GRIK3: variants seen among roughly 807,000 people sequenced by gnomAD.
The protein encoded by GRIK3 is glutamate ionotropic receptor kainate type subunit 3, also known as glutamate receptor ionotropic, kainate 3.
GRIK3 carries 29 observed loss-of-function variants against 102.5 expected under a neutral mutation model. That is an observed-to-expected ratio of 0.28 (90% CI 0.21 to 0.39). The LOEUF (loss-of-function observed/expected upper bound fraction) is 0.39, where lower values mean the gene tolerates loss of function less well. Ranked by LOEUF, GRIK3 falls within the 10% of genes least tolerant of loss-of-function variation. GRIK3 has a pLI of 1.00. For missense variants in GRIK3, 908 were observed against 1,252.4 expected, an observed-to-expected ratio of 0.73 and a Z score of 4.15; for synonymous variants, 511 against 504.9, an observed-to-expected ratio of 1.01 and a Z score of -0.16.
intron 1 of GRIK3, among the ~76,000 whole-genome samples, chr1:37,004,953 A>G (rs1642516549): frequency 6.6e-6 from 1 of 152,218 alleles, no homozygotes; most frequent in South Asian, 2.1e-4. Context: ...GGCCAGCTGG[A>G]GCCCTAACTA....
At chr1:37,005,473 A>G (rs1420847441) in intron 1 of GRIK3, among the ~76,000 whole-genome samples, 3 of 152,226 alleles carry the variant, frequency 2.0e-5, no homozygotes, top group African/African-American at 7.2e-5. Flanking sequence ...AGCAGACACA[A>G]TCCCCAGAAA....
In GRIK3 at chr1:36,799,354, C is replaced by G. The variant is rs190079987; in HGVS notation, c.*2497G>C. On this transcript the variant is annotated 3_prime_UTR_variant, in exon 16 of 16. Transcript: ENST00000373091. Reference sequence around the variant, plus strand: ...TCTTTGCTTCCACTGTGACCTGGAACATATGTGTGTGTCCCACACACTCGG... The same window carrying G: ...TCTTTGCTTCCACTGTGACCTGGAAGATATGTGTGTGTCCCACACACTCGG... 32 of 152,380 alleles carry G rather than the reference C, an allele frequency of 2.1e-4. No homozygotes were observed. The highest frequency in any genetic ancestry group is 7.5e-4 in the African/African-American group (31 of 41,564). 9.4% of individuals were successfully genotyped at this position (152,380 alleles called of 1,614,324 possible).
chr1:36,885,882 T>G (rs1361412268), intron 2 of GRIK3, among the ~76,000 whole-genome samples: 2 of 152,222 alleles, frequency 1.3e-5, no homozygotes, highest in East Asian at 3.9e-4. Flanking sequence ...TCACAGTCAT[T>G]GCAGGAGTCC....
In GRIK3 at chr1:36,801,950, C is replaced by T; in HGVS notation, c.2661G>A (p.Lys887=). 6.2e-7 allele frequency: 1 copy of T among 1,614,074 alleles called. No homozygotes were observed. Among genetic ancestry groups the T allele is most frequent in the Non-Finnish European group, 8.5e-7 (1 of 1,180,008 alleles). ...KHKPQPPMMV[K]TDAVINMHTF... is the part of the protein sequence containing the mutation. ...TGTGCATGTTGATGACGGCGTCAGT[C>T]TTGACCATCATGGGAGGCTGAGGCT... Residue 887 remains lysine (K), a synonymous_variant, in exon 16 of 16, where the codon AAG becomes AAA. Transcript: ENST00000373091.
chr1:36,819,616 C>A lies in GRIK3; in HGVS notation c.1873+120G>T. 1 of 656,448 alleles carries A rather than the reference C, an allele frequency of 1.5e-6. No homozygotes were observed. Among genetic ancestry groups the A allele is most frequent in the South Asian group, 1.8e-5 (1 of 56,372 alleles). 40.7% of individuals were successfully genotyped at this position (656,448 alleles called of 1,614,324 possible). ...CTCGATGTCTCCAAACTTCTGCCGG[C>A]TCATCAGGGTCTGAGGCTACCCCTA... On this transcript the variant is annotated intron_variant, in intron 12 of 15. Coordinates refer to ENST00000373091, the MANE Select transcript of GRIK3 (RefSeq NM_000831.4). This position sits in a 1 kb window ranked among gnomAD's most constrained non-coding sequence, Gnocchi z 4.1.
chr1:36,953,967 C>T (rs1191300938), intron 1 of GRIK3, among the ~76,000 whole-genome samples: 3 of 152,176 alleles, frequency 2.0e-5, no homozygotes, highest in Non-Finnish European at 2.9e-5. Context: ...AAGGGTACTG[C>T]CCCTGCAGTC....
At chr1:36,992,487 G>A (rs562271492) in intron 1 of GRIK3, among the ~76,000 whole-genome samples, 1 of 152,306 alleles carries the variant, frequency 6.6e-6, no homozygotes, top group African/African-American at 2.4e-5. Flanking sequence ...GCTGGATGGG[G>A]TGGGCTTCCT....
intron 1 of GRIK3, among the ~76,000 whole-genome samples, chr1:36,961,980 A>G (rs1642015836): frequency 6.6e-6 from 1 of 152,204 alleles, no homozygotes; most frequent in African/African-American, 2.4e-5. Flanking sequence ...GCCAGAGTCC[A>G]GGGTGCTCTG....
intron 13 of GRIK3, among the ~76,000 whole-genome samples, chr1:36,807,870 C>T (rs1029701337): frequency 6.6e-6 from 1 of 152,190 alleles, no homozygotes; most frequent in Non-Finnish European, 1.5e-5. Flanking sequence ...TTTACCTGCC[C>T]CAAAGCCAAA....
chr1:36,838,694 C>T (rs567089862), intron 10 of GRIK3, among the ~76,000 whole-genome samples: 171 of 152,264 alleles, frequency 1.1e-3, no homozygotes, highest in Non-Finnish European at 2.0e-3. Context: ...GGGGTGGACA[C>T]TTACAAAGGT....
intron 12 of GRIK3, among the ~76,000 whole-genome samples, chr1:36,818,416 G>T (rs959913141): frequency 1.3e-5 from 2 of 152,214 alleles, no homozygotes; most frequent in Non-Finnish European, 2.9e-5. Flanking sequence ...AGCTGCTAGA[G>T]ACCACTGGGG....
chr1:36,965,814 C>T (rs1344251897), intron 1 of GRIK3, among the ~76,000 whole-genome samples: 1 of 152,160 alleles, frequency 6.6e-6, no homozygotes, highest in Non-Finnish European at 1.5e-5. Flanking sequence ...CTATTTGTTT[C>T]CCAATTTACA....
intron 1 of GRIK3, among the ~76,000 whole-genome samples, chr1:37,006,474 T>C (rs764218192): frequency 1.2e-4 from 18 of 152,398 alleles, no homozygotes; most frequent in Non-Finnish European, 1.8e-4. Context: ...AGGCTGAGCC[T>C]GATGGGCCCT....
At chr1:36,890,588 A>G (rs1382141549) in intron 2 of GRIK3, among the ~76,000 whole-genome samples, 1 of 152,194 alleles carries the variant, frequency 6.6e-6, no homozygotes, top group East Asian at 1.9e-4. Flanking sequence ...GTGGCTCAGT[A>G]TGTGGAGGGC....
At chr1:36,914,058 A>G (rs1167470852) in intron 1 of GRIK3, among the ~76,000 whole-genome samples, 1 of 152,230 alleles carries the variant, frequency 6.6e-6, no homozygotes, top group Non-Finnish European at 1.5e-5. Context: ...CTTGTTTACC[A>G]GGGAGGTCCC....
intron 13 of GRIK3, among the ~76,000 whole-genome samples, chr1:36,814,490 C>T (rs504512): frequency 0.19 from 27,866 of 146,954 alleles, 3,292 homozygotes; most frequent in African/African-American, 0.32. Flanking sequence ...CATGCATGGA[C>T]CATTATACAC....
At chr1:36,961,833 T>A (rs1438498762) in intron 1 of GRIK3, among the ~76,000 whole-genome samples, 1 of 152,242 alleles carries the variant, frequency 6.6e-6, no homozygotes, top group East Asian at 1.9e-4. Flanking sequence ...TGCTCTGCAA[T>A]GGCACTGTCC....
chr1:36,874,067 C>T (rs1225974464), intron 3 of GRIK3, among the ~76,000 whole-genome samples: 1 of 152,144 alleles, frequency 6.6e-6, no homozygotes, highest in Non-Finnish European at 1.5e-5. Flanking sequence ...TGCCCCCAAA[C>T]TTTTTTTGCT....
chr1:36,918,476 C>T (rs1641431420), intron 1 of GRIK3, among the ~76,000 whole-genome samples: 1 of 152,162 alleles, frequency 6.6e-6, no homozygotes, highest in African/African-American at 2.4e-5. Context: ...AGTATCTGAT[C>T]CCTTCTCGTG....
Sources: gnomAD v4.1 joint callset for allele counts (sites outside exome capture counted in the v4.1 genomes callset) on GRCh38, gnomAD v4.1.1 for gene constraint, Gnocchi (gnomAD v3.1) non-coding constraint, MANE v1.5 for transcripts, NCBI Gene and HGNC (gene_info 2026-07-23, HGNC 2026-07-21) for gene names.